Variants in SHISA6 observed in about 807,000 individuals in gnomAD.
SHISA6 encodes protein shisa-6.
In SHISA6, 22 loss-of-function variants were observed where a neutral mutation model predicts 47.9. The observed-to-expected ratio is 0.46, with a 90% CI of 0.33 to 0.66. The LOEUF (loss-of-function observed/expected upper bound fraction) is 0.66. Ranked by LOEUF, SHISA6 falls within the 30% of genes least tolerant of loss-of-function variation. SHISA6 has a pLI of 0.02. For missense variants in SHISA6, 680 were observed against 764.6 expected, an observed-to-expected ratio of 0.89 and a Z score of 1.30; for synonymous variants, 388 against 337.8, an observed-to-expected ratio of 1.15 and a Z score of -1.63.
chr17:11,326,464 A>AT (rs1272326998), intron 2 of SHISA6, among the ~76,000 whole-genome samples: 1 of 152,130 alleles, frequency 6.6e-6, no homozygotes, highest in Non-Finnish European at 1.5e-5. Context: ...AATGATGTAA[A>AT]TGAGAAGAGG....
At chr17:11,392,284 G>C (rs1197173067) in intron 3 of SHISA6, among the ~76,000 whole-genome samples, 1 of 152,030 alleles carries the variant, frequency 6.6e-6, no homozygotes, top group East Asian at 1.9e-4. Context: ...AAATAGATAG[G>C]GCCATGGCAT....
At chr17:11,388,822 AT>A (rs1567592137) in intron 3 of SHISA6, among the ~76,000 whole-genome samples, 2 of 103,736 alleles carry the variant, frequency 1.9e-5, no homozygotes, top group African/African-American at 8.4e-5. Flanking sequence ...ATATATATAT[AT>A]ATATATATAT....
intron 1 of SHISA6, among the ~76,000 whole-genome samples, chr17:11,245,489 G>A (rs972855987): frequency 2.6e-5 from 4 of 152,200 alleles, no homozygotes; most frequent in African/African-American, 9.7e-5. Flanking sequence ...GGGAGCCTGG[G>A]TCCTTTTTGA....
intron 3 of SHISA6, among the ~76,000 whole-genome samples, chr17:11,518,374 T>G (rs2071602311): frequency 1.3e-5 from 2 of 152,084 alleles, no homozygotes; most frequent in South Asian, 4.2e-4. Context: ...CAAATGATAG[T>G]TTTTTTGCTT....
At chr17:11,462,833 G>T (rs1182865093) in intron 3 of SHISA6, among the ~76,000 whole-genome samples, 3 of 152,070 alleles carry the variant, frequency 2.0e-5, no homozygotes, top group Non-Finnish European at 4.4e-5. Flanking sequence ...TCACCATTTT[G>T]GCCAGGCTGG....
intron 3 of SHISA6, among the ~76,000 whole-genome samples, chr17:11,525,900 T>C (rs913966752): frequency 6.6e-6 from 1 of 151,980 alleles, no homozygotes; most frequent in Non-Finnish European, 1.5e-5. Flanking sequence ...TCCCAGTTAC[T>C]TGGGAGGCCA....
In SHISA6 at chr17:11,286,637, A is replaced by G. The variant is rs904137675; in HGVS notation, c.799+23111A>G. On this transcript the variant is annotated intron_variant, in intron 2 of 5. Coordinates refer to ENST00000441885, the MANE Select transcript of SHISA6 (RefSeq NM_207386.4). Reference sequence around the variant, plus strand: ...GGGAATCACGGAAAGATTTTCTCACATGGGAGTCAGGACTAACTTCAGTTT... The same window carrying G: ...GGGAATCACGGAAAGATTTTCTCACGTGGGAGTCAGGACTAACTTCAGTTT... Among the ~76,000 whole-genome samples the G allele has an allele frequency of 2.6e-5, 4 of 152,356 alleles. No homozygotes were observed. The East Asian group carries it at 7.7e-4, about 29-fold the overall frequency.
intron 2 of SHISA6, among the ~76,000 whole-genome samples, chr17:11,268,284 ACT>A (rs1233870973): frequency 1.3e-5 from 2 of 151,574 alleles, no homozygotes; most frequent in African/African-American, 4.9e-5. Context: ...AAGGGTCATG[ACT>A]CTCTAAGCTT....
chr17:11,454,588 G>A (rs568312914), intron 3 of SHISA6, among the ~76,000 whole-genome samples: 14 of 152,210 alleles, frequency 9.2e-5, no homozygotes, highest in Non-Finnish European at 1.8e-4. Context: ...ACCAAGCTGA[G>A]CCATCCCAGA....
chr17:11,438,349 A>G (rs1164079656), intron 3 of SHISA6, among the ~76,000 whole-genome samples: 1 of 152,232 alleles, frequency 6.6e-6, no homozygotes, highest in Non-Finnish European at 1.5e-5. Context: ...TAACAAAATA[A>G]CACAGACTGG....
At chr17:11,269,172 G>T (rs527280451) in intron 2 of SHISA6, among the ~76,000 whole-genome samples, 1 of 152,104 alleles carries the variant, frequency 6.6e-6, no homozygotes, top group African/African-American at 2.4e-5. Flanking sequence ...CTCCCAAGTA[G>T]CTGGGACTAC....
intron 2 of SHISA6, among the ~76,000 whole-genome samples, chr17:11,340,249 A>G (rs1911477307): frequency 6.6e-6 from 1 of 152,230 alleles, no homozygotes; most frequent in African/African-American, 2.4e-5. Context: ...TTAATGAATT[A>G]AGACAACCAC....
intron 2 of SHISA6, among the ~76,000 whole-genome samples, chr17:11,319,359 G>A (rs1475167472): frequency 6.6e-6 from 1 of 152,220 alleles, no homozygotes; most frequent in Admixed American, 6.5e-5. Context: ...GATTATGGGT[G>A]TGAGCCCCAC....
At chr17:11,289,785 T>C (rs536089165) in intron 2 of SHISA6, 1 of 152,130 alleles carries the variant, frequency 6.6e-6, no homozygotes, top group African/African-American at 2.4e-5. Context: ...TCAGTGATTA[T>C]ATACCTTTTT....
rs182914099 is a variant in SHISA6 at position 11,348,810 on chromosome 17, A to G, written c.800-30604A>G. ...GGAATAATATTTCATGTTTGTATCAAGATTGCTCACTTTCAAACCACATAA... is the reference window on the plus strand; with the variant it reads ...GGAATAATATTTCATGTTTGTATCAGGATTGCTCACTTTCAAACCACATAA... On this transcript the variant is annotated intron_variant, in intron 2 of 5. Coordinates refer to ENST00000441885, the MANE Select transcript of SHISA6 (RefSeq NM_207386.4). Among the ~76,000 whole-genome samples, 256 of 152,326 alleles carry G rather than the reference A, an allele frequency of 1.7e-3. 1 individual carries two copies. The highest frequency in any genetic ancestry group is 5.8e-3 in the African/African-American group (243 of 41,578).
At chr17:11,433,336 G>A (rs1425398022) in intron 3 of SHISA6, among the ~76,000 whole-genome samples, 1 of 152,090 alleles carries the variant, frequency 6.6e-6, no homozygotes, top group African/African-American at 2.4e-5. Context: ...TGCAGTGTTT[G>A]GTCTTTTGTT....
chr17:11,521,752 A>G (rs1464478556), intron 3 of SHISA6, among the ~76,000 whole-genome samples: 3 of 152,068 alleles, frequency 2.0e-5, no homozygotes, highest in Admixed American at 1.3e-4. Flanking sequence ...GCAGTGAGCT[A>G]GGATCACGCC....
intron 3 of SHISA6, among the ~76,000 whole-genome samples, chr17:11,488,239 AG>A (rs1294195501): frequency 6.6e-6 from 1 of 152,084 alleles, no homozygotes; most frequent in Non-Finnish European, 1.5e-5. Context: ...CACTATTTAT[AG>A]GCAGGAATTA....
At chr17:11,530,534 C>T (rs577730523) in intron 3 of SHISA6, among the ~76,000 whole-genome samples, 5 of 152,260 alleles carry the variant, frequency 3.3e-5, no homozygotes, top group Admixed American at 1.3e-4. Context: ...AAACCAGCAA[C>T]AGCCAGAGTT....
Sources: allele counts gnomAD v4.1 joint callset (sites outside exome capture counted in the v4.1 genomes callset), GRCh38; gene constraint gnomAD v4.1.1; transcripts MANE v1.5; gene names NCBI Gene and HGNC (gene_info 2026-07-23, HGNC 2026-07-21).